STAU2: variants seen among roughly 807,000 people sequenced by gnomAD.
STAU2 encodes the protein double-stranded RNA-binding protein Staufen homolog 2.
Under a neutral mutation model 65.9 loss-of-function variants are expected in STAU2, and 20 were observed. That is an observed-to-expected ratio of 0.30 (90% CI 0.21 to 0.44). STAU2 has a LOEUF of 0.44. STAU2 is among the 20% of genes least tolerant of loss of function. STAU2 has a pLI of 1.00. For synonymous variants in STAU2, 232 were observed against 233.9 expected, an observed-to-expected ratio of 0.99 and a Z score of 0.07; for missense variants, 558 against 683.9, an observed-to-expected ratio of 0.82 and a Z score of 2.05.
rs1400276248 is a variant in STAU2 at position 73,420,533 on chromosome 8, AG to A, written c.*838del. ...TACTCACTGTCCCAAGTCCAGAGGC[AG>A]TTACAAAAAACACTCTTGATGCAAA... On this transcript the variant is annotated 3_prime_UTR_variant, in exon 15 of 15. Coordinates refer to ENST00000524300, the MANE Select transcript of STAU2 (RefSeq NM_001164380.2). The A allele has an allele frequency of 9.0e-6, 2 of 221,966 alleles. No individual in the cohort carries two copies. The highest frequency in any genetic ancestry group is 1.9e-4 in the East Asian group (2 of 10,358). 13.7% of individuals were successfully genotyped at this position (221,966 alleles called of 1,614,324 possible). A position where few individuals can be genotyped will look rare whatever the true frequency, so the allele number is the denominator to read the frequency against.
At chr8:73,693,966 G>A (rs771169701) in intron 4 of STAU2, among the ~76,000 whole-genome samples, 2 of 152,104 alleles carry the variant, frequency 1.3e-5, no homozygotes, top group Non-Finnish European at 2.9e-5. Flanking sequence ...TACAAAAACT[G>A]TACTTCAAAT....
At chr8:73,452,376 G>C (rs868232500) in intron 13 of STAU2, among the ~76,000 whole-genome samples, 6 of 152,186 alleles carry the variant, frequency 3.9e-5, no homozygotes, top group Admixed American at 1.3e-4. Flanking sequence ...CCTGGGCCCA[G>C]CCCACCCAGT....
At chr8:73,668,622 G>A (rs1817415972) in intron 6 of STAU2, among the ~76,000 whole-genome samples, 1 of 152,176 alleles carries the variant, frequency 6.6e-6, no homozygotes, top group Non-Finnish European at 1.5e-5. Flanking sequence ...TTTGTCAAAT[G>A]AATTTTTATA....
rs79160951 is a variant in STAU2 at position 73,482,077 on chromosome 8, G to C, written c.1531-59375C>G. Among the ~76,000 whole-genome samples, 5 of 152,162 alleles carry C rather than the reference G, an allele frequency of 3.3e-5. No individual in the cohort carries two copies. The East Asian group carries it at 9.7e-4, about 30-fold the overall frequency. On this transcript the variant is annotated intron_variant, in intron 13 of 14. Coordinates refer to ENST00000524300, the MANE Select transcript of STAU2 (RefSeq NM_001164380.2). Reference sequence around the variant, plus strand: ...TGCGGCTGGTTTATACTGTTTGAGCGCCTCCGAGGTGTGGGGCCACACTTG... The same window carrying C: ...TGCGGCTGGTTTATACTGTTTGAGCCCCTCCGAGGTGTGGGGCCACACTTG...
intron 12 of STAU2, among the ~76,000 whole-genome samples, chr8:73,564,454 T>C (rs1030515898): frequency 2.0e-5 from 3 of 151,834 alleles, no homozygotes; most frequent in African/African-American, 7.3e-5. Context: ...CATGAACACA[T>C]AGAGGGGAAT....
At chr8:73,554,199 C>CAACT (rs1807555270) in intron 12 of STAU2, among the ~76,000 whole-genome samples, 1 of 152,200 alleles carries the variant, frequency 6.6e-6, no homozygotes, top group Non-Finnish European at 1.5e-5. Flanking sequence ...ATTCTTCAGG[C>CAACT]AACTCCCAGA....
intron 6 of STAU2, among the ~76,000 whole-genome samples, chr8:73,665,059 A>G (rs1246506910): frequency 6.6e-6 from 1 of 152,116 alleles, no homozygotes; most frequent in Non-Finnish European, 1.5e-5. Flanking sequence ...ACTCTTCCTC[A>G]TCCTTGCTTT....
chr8:73,567,455 C>T (rs549581874), intron 12 of STAU2, among the ~76,000 whole-genome samples: 11 of 151,720 alleles, frequency 7.3e-5, no homozygotes, highest in East Asian at 1.9e-4. Flanking sequence ...GGCAGTGAGC[C>T]AAGATTACAC....
chr8:73,697,308 C>T (rs1819751668), intron 4 of STAU2: 1 of 152,144 alleles, frequency 6.6e-6, no homozygotes, highest in South Asian at 2.1e-4. Flanking sequence ...AAACTTTCAC[C>T]TAGAATAGTA....
chr8:73,606,013 A>AGAAAAT (rs1404353233), intron 9 of STAU2, among the ~76,000 whole-genome samples: 1 of 146,008 alleles, frequency 6.8e-6, no homozygotes, highest in East Asian at 2.0e-4. Context: ...ATATGTAAAA[A>AGAAAAT]GAAAAAGAAA....
intron 5 of STAU2, among the ~76,000 whole-genome samples, chr8:73,681,134 A>G (rs2130467130): frequency 6.6e-6 from 1 of 152,244 alleles, no homozygotes; most frequent in East Asian, 1.9e-4. Context: ...AATTCATTGC[A>G]AAAAGATCAT....
chr8:73,596,392 T>C (rs1014599383), intron 10 of STAU2, among the ~76,000 whole-genome samples: 23 of 152,184 alleles, frequency 1.5e-4, no homozygotes, highest in African/African-American at 5.5e-4. Flanking sequence ...AATTTATACA[T>C]GTACTTAAAT....
chr8:73,681,585 G>C (rs1563502626), intron 5 of STAU2, among the ~76,000 whole-genome samples: 1 of 152,028 alleles, frequency 6.6e-6, no homozygotes, highest in Admixed American at 6.6e-5. Flanking sequence ...AAGGTATTGG[G>C]GCAACAACTA....
rs74757806 is a variant in STAU2 at position 73,490,707 on chromosome 8, T to C, written c.1530+61305A>G. On this transcript the variant is annotated intron_variant, in intron 13 of 14. Coordinates refer to ENST00000524300, the MANE Select transcript of STAU2 (RefSeq NM_001164380.2). ...ACCATCAGATTTTGCTGGTCCTCAGTTCCTTACCTCAAGAATTCTACATTA... is the reference window on the plus strand; with the variant it reads ...ACCATCAGATTTTGCTGGTCCTCAGCTCCTTACCTCAAGAATTCTACATTA... Among the ~76,000 whole-genome samples the C allele has an allele frequency of 2.3e-3, 346 of 152,174 alleles. 14 individuals carry two copies. In the East Asian group the frequency reaches 0.055, roughly 24 times the overall value.
At chr8:73,736,605 T>C (rs1806446159) in intron 3 of STAU2, among the ~76,000 whole-genome samples, 1 of 152,128 alleles carries the variant, frequency 6.6e-6, no homozygotes, top group African/African-American at 2.4e-5. Flanking sequence ...CAGAACAACC[T>C]TACCCAATCT....
intron 6 of STAU2, among the ~76,000 whole-genome samples, chr8:73,649,000 C>G (rs1223083421): frequency 6.6e-6 from 1 of 152,094 alleles, no homozygotes; most frequent in Non-Finnish European, 1.5e-5. Context: ...GAGACTAAGT[C>G]TTGCTATGTT....
At chr8:73,467,516 C>T (rs182770698) in intron 13 of STAU2, among the ~76,000 whole-genome samples, 218 of 152,114 alleles carry the variant, frequency 1.4e-3, no homozygotes, top group Non-Finnish European at 2.2e-3. Context: ...TGGGAGACAG[C>T]GAGACTCTGT....
intron 5 of STAU2, among the ~76,000 whole-genome samples, chr8:73,681,599 C>T (rs1818438901): frequency 6.6e-6 from 1 of 152,078 alleles, no homozygotes; most frequent in African/African-American, 2.4e-5. Flanking sequence ...ACAACTAGCA[C>T]AATGGATAGA....
At chr8:73,524,887 A>G (rs1823261812) in intron 13 of STAU2, among the ~76,000 whole-genome samples, 1 of 152,190 alleles carries the variant, frequency 6.6e-6, no homozygotes, top group South Asian at 2.1e-4. Flanking sequence ...GATCAAGTTG[A>G]TGCTGCTACG....
Sources: gnomAD v4.1 joint callset for allele counts (sites outside exome capture counted in the v4.1 genomes callset) on GRCh38, gnomAD v4.1.1 for gene constraint, MANE v1.5 for transcripts, NCBI Gene and HGNC (gene_info 2026-07-23, HGNC 2026-07-21) for gene names.